FAM135B: variants seen among roughly 807,000 people sequenced by gnomAD.
FAM135B encodes protein FAM135B.
In FAM135B, 43 loss-of-function variants were observed where a neutral mutation model predicts 127.7. The ratio of observed to expected loss-of-function variants is 0.34; its 90% CI spans 0.26 to 0.43. The LOEUF (loss-of-function observed/expected upper bound fraction) is 0.43, where lower values mean the gene tolerates loss of function less well. Among genes scored for constraint, FAM135B ranks in the 20% least tolerant of loss-of-function variants. FAM135B has a pLI of 1.00. For missense variants in FAM135B, 1,558 were observed against 1,725.6 expected (o/e 0.90, Z 1.72); for synonymous variants, 670 against 665.1 (o/e 1.01, Z -0.11).
chr8:138,342,679 G>A (rs1032290459), intron 2 of FAM135B, among the ~76,000 whole-genome samples: 1 of 152,210 alleles, frequency 6.6e-6, no homozygotes, highest in Non-Finnish European at 1.5e-5. Flanking sequence ...GAAGGGACAT[G>A]AAGAAGAAAG....
chr8:138,262,250 G>A (rs1036725233), intron 4 of FAM135B, among the ~76,000 whole-genome samples: 8 of 152,298 alleles, frequency 5.3e-5, no homozygotes, highest in Middle Eastern at 3.4e-3. Context: ...ATTCTCTGAC[G>A]GAATTAAGAT....
chr8:138,270,143 C>T (rs117981526), intron 3 of FAM135B, among the ~76,000 whole-genome samples: 3,286 of 152,190 alleles, frequency 0.022, 44 homozygotes, highest in Non-Finnish European at 0.034. Context: ...TGAGACTCCC[C>T]CAAGGTTGCT....
At chr8:138,273,809 C>T (rs1412231497) in intron 3 of FAM135B, among the ~76,000 whole-genome samples, 1 of 152,156 alleles carries the variant, frequency 6.6e-6, no homozygotes, top group Non-Finnish European at 1.5e-5. Context: ...CTGCACTTCC[C>T]ACCTCTCTGT....
At chr8:138,380,260 C>A (rs376923240) in intron 1 of FAM135B, among the ~76,000 whole-genome samples, 9 of 151,944 alleles carry the variant, frequency 5.9e-5, no homozygotes, top group Non-Finnish European at 1.0e-4. Context: ...CGTAGTGGTG[C>A]GATCTTGGCT....
intron 1 of FAM135B, among the ~76,000 whole-genome samples, chr8:138,417,199 T>C (rs1016159538): frequency 1.1e-4 from 17 of 152,182 alleles, no homozygotes; most frequent in African/African-American, 3.1e-4. Flanking sequence ...ATCTTTCCCA[T>C]GGGAGGGGGC....
chr8:138,433,437 C>T (rs12548628), intron 1 of FAM135B, among the ~76,000 whole-genome samples: 66,178 of 151,356 alleles, frequency 0.44, 15,912 homozygotes, highest in Admixed American at 0.62. Context: ...GCAAGAGGAT[C>T]AATTGAACCC....
chr8:138,148,042 A>C (rs557429969), intron 14 of FAM135B, among the ~76,000 whole-genome samples: 1 of 152,314 alleles, frequency 6.6e-6, no homozygotes, highest in South Asian at 2.1e-4. Flanking sequence ...GAGCTCCTCA[A>C]AATGAATACA....
chr8:138,132,511 T>C lies in FAM135B; in HGVS notation c.*82A>G. ...ATGCTGTTGAAGCTTCATTCTGAAA[T>C]GGTGAGGTCTGTAAAAGCAGGTCTC... On this transcript the variant is annotated 3_prime_UTR_variant, in exon 20 of 20. Transcript: ENST00000395297. This position sits in a 1 kb window ranked among gnomAD's most constrained non-coding sequence, Gnocchi z 4.5. 1 of 1,148,648 alleles carries C rather than the reference T, an allele frequency of 8.7e-7. No individual in the cohort carries two copies. Among genetic ancestry groups the C allele is most frequent in the Non-Finnish European group, 1.3e-6 (1 of 775,822 alleles). 71.2% of individuals were successfully genotyped at this position (1,148,648 alleles called of 1,614,324 possible). A position where few individuals can be genotyped will look rare whatever the true frequency, so the allele number is the denominator to read the frequency against.
chr8:138,183,771 A>T (rs1323574047), intron 9 of FAM135B, among the ~76,000 whole-genome samples: 1 of 152,254 alleles, frequency 6.6e-6, no homozygotes, highest in African/African-American at 2.4e-5. Context: ...CTTTCTATCA[A>T]TGAAAAATGA....
At chr8:138,359,091 C>A (rs1221107611) in intron 2 of FAM135B, among the ~76,000 whole-genome samples, 1 of 151,982 alleles carries the variant, frequency 6.6e-6, no homozygotes, top group Admixed American at 6.6e-5. Flanking sequence ...AAAAAATAAT[C>A]CAGAATGTTC....
chr8:138,447,493 T>C (rs1159749986), intron 1 of FAM135B, among the ~76,000 whole-genome samples: 1 of 152,198 alleles, frequency 6.6e-6, no homozygotes, highest in Non-Finnish European at 1.5e-5. Flanking sequence ...GATGAGTTCA[T>C]GTCCTTCGTA....
At chr8:138,147,066 C>T (rs1266454901) in intron 14 of FAM135B, among the ~76,000 whole-genome samples, 1 of 152,132 alleles carries the variant, frequency 6.6e-6, no homozygotes, top group East Asian at 1.9e-4. Flanking sequence ...TGCCCATACG[C>T]CCCCTATGTT....
At chr8:138,306,085 A>G (rs1826234899) in intron 3 of FAM135B, among the ~76,000 whole-genome samples, 1 of 152,168 alleles carries the variant, frequency 6.6e-6, no homozygotes, top group South Asian at 2.1e-4. Flanking sequence ...GTTCTGTTCT[A>G]TCTGCATAAC....
chr8:138,219,962 AT>A (rs1818894209), intron 7 of FAM135B, among the ~76,000 whole-genome samples: 1 of 151,634 alleles, frequency 6.6e-6, no homozygotes, highest in African/African-American at 2.4e-5. Flanking sequence ...ATATTAACTC[AT>A]TTTTTTCTCA....
intron 4 of FAM135B, among the ~76,000 whole-genome samples, chr8:138,264,230 T>C (rs2130614943): frequency 6.6e-6 from 1 of 152,372 alleles, no homozygotes; most frequent in East Asian, 1.9e-4. Context: ...GTCTCAGTTC[T>C]GCATTGGCTT....
chr8:138,354,511 G>T (rs1382060771), intron 2 of FAM135B, among the ~76,000 whole-genome samples: 2 of 152,042 alleles, frequency 1.3e-5, no homozygotes, highest in African/African-American at 4.8e-5. Context: ...TGGGCGTTTT[G>T]GGAGTTCTCT....
chr8:138,260,655 G>T (rs1001350077), intron 4 of FAM135B, among the ~76,000 whole-genome samples: 1 of 151,866 alleles, frequency 6.6e-6, no homozygotes, highest in African/African-American at 2.4e-5. Flanking sequence ...CAGTCCTAAG[G>T]GCTGCACTTG....
chr8:138,265,230 C>G (rs1822823312), intron 4 of FAM135B, among the ~76,000 whole-genome samples: 1 of 152,138 alleles, frequency 6.6e-6, no homozygotes, highest in Admixed American at 6.5e-5. Context: ...CCACAGAGAT[C>G]ATTTCTCACA....
intron 8 of FAM135B, among the ~76,000 whole-genome samples, 200 bp downstream of exon 8, chr8:138,197,316 G>C (rs1287317199): frequency 3.3e-5 from 5 of 152,190 alleles, no homozygotes; most frequent in African/African-American, 4.8e-5. Context: ...AATGTGCCTT[G>C]AGGAACATGT....
Sources: gnomAD v4.1 joint callset for allele counts (sites outside exome capture counted in the v4.1 genomes callset) on GRCh38, gnomAD v4.1.1 for gene constraint, Gnocchi (gnomAD v3.1) non-coding constraint, MANE v1.5 for transcripts, NCBI Gene and HGNC (gene_info 2026-07-23, HGNC 2026-07-21) for gene names.